Variants in NRXN3 observed in about 807,000 individuals in gnomAD.
NRXN3 encodes neurexin 3.
Under a neutral mutation model 137.6 loss-of-function variants are expected in NRXN3, and 32 were observed. The ratio of observed to expected loss-of-function variants is 0.23; its 90% CI spans 0.18 to 0.31. The LOEUF is 0.31. Among genes scored for constraint, NRXN3 ranks in the 10% least tolerant of loss-of-function variants. The pLI is 1.00. For synonymous variants in NRXN3, 798 were observed against 784.5 expected, an observed-to-expected ratio of 1.02 and a Z score of -0.29; for missense variants, 1,574 against 2,062.5, an observed-to-expected ratio of 0.76 and a Z score of 4.59.
intron 10 of NRXN3, among the ~76,000 whole-genome samples, chr14:78,811,195 C>T (rs959054083): frequency 1.3e-5 from 2 of 152,194 alleles, no homozygotes; most frequent in African/African-American, 4.8e-5. Context: ...GCAATCCCAA[C>T]ATTATAATGG....
chr14:79,467,566 A>G (rs535032389), intron 16 of NRXN3, among the ~76,000 whole-genome samples, 164 bp downstream of exon 16: 8 of 149,866 alleles, frequency 5.3e-5, no homozygotes, highest in Non-Finnish European at 9.0e-5. Flanking sequence ...TTCCTGGGGG[A>G]AAAAAACTTA....
chr14:78,201,217 T>TTAATAATAA (rs1162884902), intron 1 of NRXN3, among the ~76,000 whole-genome samples: 1 of 152,182 alleles, frequency 6.6e-6, no homozygotes, highest in African/African-American at 2.4e-5. Context: ...TTAGGACAGG[T>TTAATAATAA]GCCTCATTAA....
Position 78,698,714 on chromosome 14 carries a change from A to G in NRXN3, c.1222-10503A>G, listed in dbSNP as rs541976976. Among the ~76,000 whole-genome samples, 13 of 152,124 alleles carry G rather than the reference A, an allele frequency of 8.5e-5. 1 individual carries two copies. Among genetic ancestry groups the G allele is most frequent in the African/African-American group, 3.1e-4 (13 of 41,466 alleles). On this transcript the variant is annotated intron_variant, in intron 6 of 20. Coordinates refer to ENST00000335750, the MANE Select transcript of NRXN3 (RefSeq NM_001330195.2). Reference sequence around the variant, plus strand: ...TTCTGTTAGTGTTCTGCTGAGACATATACACTAATGATAGCTGCCACTCTG... The same window carrying G: ...TTCTGTTAGTGTTCTGCTGAGACATGTACACTAATGATAGCTGCCACTCTG...
At chr14:78,943,674 ATATATC>A (rs2099359606) in intron 10 of NRXN3, among the ~76,000 whole-genome samples, 13 of 107,922 alleles carry the variant, frequency 1.2e-4, no homozygotes, top group Non-Finnish European at 2.2e-4. Context: ...ATATATATAT[ATATATC>A]TCAAAGAATC....
chr14:79,809,404 G>A (rs74654966), intron 20 of NRXN3, among the ~76,000 whole-genome samples: 4,820 of 152,230 alleles, frequency 0.032, 114 homozygotes, highest in East Asian at 0.093. Flanking sequence ...CTCCCAAAGT[G>A]CTGGGATTAC....
chr14:79,434,408 T>C (rs2095810993), intron 15 of NRXN3, among the ~76,000 whole-genome samples: 1 of 152,182 alleles, frequency 6.6e-6, no homozygotes, highest in Admixed American at 6.5e-5. Context: ...ACTGGCTCCA[T>C]GTTTTCTGTC....
intron 19 of NRXN3, among the ~76,000 whole-genome samples, chr14:79,726,707 T>TA (rs1295187316): frequency 6.6e-6 from 1 of 152,200 alleles, no homozygotes; most frequent in Non-Finnish European, 1.5e-5. Context: ...AGATGTAGCT[T>TA]ACAAAATATG....
intron 4 of NRXN3, among the ~76,000 whole-genome samples, chr14:78,612,004 G>A (rs1413269482): frequency 2.0e-5 from 3 of 152,136 alleles, no homozygotes; most frequent in Non-Finnish European, 4.4e-5. Flanking sequence ...TGAAATCTTG[G>A]TATGCAGAAG....
At chr14:78,914,223 T>C (rs894892885) in intron 10 of NRXN3, among the ~76,000 whole-genome samples, 97 of 152,334 alleles carry the variant, frequency 6.4e-4, no homozygotes, top group African/African-American at 2.0e-3. Context: ...GAAAGGAAGA[T>C]GATTGCATCC....
intron 10 of NRXN3, among the ~76,000 whole-genome samples, chr14:78,821,218 GA>G (rs1164528591): frequency 2.0e-5 from 3 of 152,136 alleles, no homozygotes; most frequent in African/African-American, 7.2e-5. Flanking sequence ...ATTTATTTCT[GA>G]AATCCAGGAG....
At chr14:78,177,574 A>G (rs1332086279) in intron 1 of NRXN3, among the ~76,000 whole-genome samples, 2 of 152,082 alleles carry the variant, frequency 1.3e-5, no homozygotes, top group Non-Finnish European at 2.9e-5. Context: ...GTAACTCTCA[A>G]AAGTGTCCCG....
At chr14:79,018,191 C>T (rs1167453141) in intron 15 of NRXN3, among the ~76,000 whole-genome samples, 3 of 132,382 alleles carry the variant, frequency 2.3e-5, no homozygotes, top group East Asian at 2.6e-4. Flanking sequence ...ACCTGGGAGA[C>T]GAAGGTTGTA....
chr14:78,255,902 G>A (rs2153468523), intron 2 of NRXN3, among the ~76,000 whole-genome samples: 1 of 152,278 alleles, frequency 6.6e-6, no homozygotes, highest in Non-Finnish European at 1.5e-5. Context: ...TATATCTGTT[G>A]AATAAATTAA....
chr14:79,437,507 T>C (rs1380823604), intron 15 of NRXN3, among the ~76,000 whole-genome samples: 1 of 152,132 alleles, frequency 6.6e-6, no homozygotes, highest in Non-Finnish European at 1.5e-5. Flanking sequence ...TTGTCTTTGC[T>C]GCAGTGTCTT....
chr14:79,596,719 G>A (rs2097862211), intron 16 of NRXN3, among the ~76,000 whole-genome samples: 1 of 152,126 alleles, frequency 6.6e-6, no homozygotes, highest in South Asian at 2.1e-4. Flanking sequence ...GTTATCCTGG[G>A]GCTGACCTGT....
intron 2 of NRXN3, among the ~76,000 whole-genome samples, chr14:78,263,555 C>G (rs1448311528): frequency 6.6e-6 from 1 of 151,942 alleles, no homozygotes; most frequent in Non-Finnish European, 1.5e-5. Flanking sequence ...TTCTTCAGCA[C>G]AGTTAAACCA....
intron 2 of NRXN3, among the ~76,000 whole-genome samples, chr14:78,266,267 G>T (rs1388103586): frequency 6.6e-6 from 1 of 151,888 alleles, no homozygotes; most frequent in African/African-American, 2.4e-5. Flanking sequence ...ATGCTTTTTA[G>T]GGACTCTCTC....
At chr14:78,875,264 C>T (rs953424615) in intron 10 of NRXN3, among the ~76,000 whole-genome samples, 16 of 152,178 alleles carry the variant, frequency 1.1e-4, no homozygotes, top group Admixed American at 7.9e-4. Flanking sequence ...GGGACAGGAA[C>T]GCTGCAAACT....
At chr14:78,721,842 C>CA in intron 8 of NRXN3, among the ~76,000 whole-genome samples, 1 of 147,712 alleles carries the variant, frequency 6.8e-6, no homozygotes, top group Admixed American at 6.8e-5. Context: ...AAACTGTCTC[C>CA]TTTTTTTTTT....
Sources: gnomAD v4.1 joint callset for allele counts (sites outside exome capture counted in the v4.1 genomes callset) on GRCh38, gnomAD v4.1.1 for gene constraint, MANE v1.5 for transcripts, NCBI Gene and HGNC (gene_info 2026-07-23, HGNC 2026-07-21) for gene names.